TMCC1: variants seen among roughly 807,000 people sequenced by gnomAD.
The protein encoded by TMCC1 is transmembrane and coiled-coil domains protein 1.
Under a neutral mutation model 52.4 loss-of-function variants are expected in TMCC1, and 15 were observed. The observed-to-expected ratio is 0.29, with a 90% CI of 0.19 to 0.44. The LOEUF (loss-of-function observed/expected upper bound fraction) is 0.44. TMCC1 is among the 20% of genes least tolerant of loss of function. TMCC1 has a pLI of 1.00. For missense variants in TMCC1, 503 were observed against 806.0 expected, an observed-to-expected ratio of 0.62 and a Z score of 4.55; for synonymous variants, 279 against 301.9, an observed-to-expected ratio of 0.92 and a Z score of 0.79.
intron 4 of TMCC1, among the ~76,000 whole-genome samples, chr3:129,802,563 T>A (rs1217388725): frequency 6.6e-6 from 1 of 152,154 alleles, no homozygotes; most frequent in Admixed American, 6.5e-5. Context: ...GCTATGATAG[T>A]GCCACTGCAC....
chr3:129,887,311 A>G (rs2061753559), intron 1 of TMCC1, among the ~76,000 whole-genome samples: 1 of 152,142 alleles, frequency 6.6e-6, no homozygotes, highest in Admixed American at 6.5e-5. Flanking sequence ...TGGGAGGCCA[A>G]GGAGGGCGGA....
chr3:129,805,560 G>C (rs1382754915), intron 4 of TMCC1, among the ~76,000 whole-genome samples: 1 of 152,192 alleles, frequency 6.6e-6, no homozygotes, highest in Non-Finnish European at 1.5e-5. Flanking sequence ...TACACAGTCT[G>C]TTGAAATATA....
intron 4 of TMCC1, among the ~76,000 whole-genome samples, chr3:129,671,526 A>T (rs1296405686): frequency 6.6e-6 from 1 of 152,244 alleles, no homozygotes; most frequent in Non-Finnish European, 1.5e-5. Context: ...AGGATTTTTC[A>T]GTGTTTCTTC....
rs947187433 is a variant in TMCC1 at position 129,875,563 on chromosome 3, A to T, written c.-184+4746T>A. ...AGATTACTCATACCAGTGTGAGACC[A>T]CTAACAAGTCTTGGCCCCAATCTGT... On this transcript the variant is annotated intron_variant, in intron 2 of 6. Transcript: ENST00000393238. 4.0e-5 allele frequency among the ~76,000 whole-genome samples: 6 copies of T among 151,170 alleles called. No individual in the cohort carries two copies. The East Asian group carries it at 1.2e-3, about 29-fold the overall frequency.
At chr3:129,761,184 C>A (rs894429032) in intron 4 of TMCC1, among the ~76,000 whole-genome samples, 61 of 152,000 alleles carry the variant, frequency 4.0e-4, no homozygotes, top group African/African-American at 1.4e-3. Context: ...GAAAATTGGC[C>A]GGGCGTAGTG....
At chr3:129,779,716 A>C (rs1449534268) in intron 4 of TMCC1, among the ~76,000 whole-genome samples, 1 of 152,168 alleles carries the variant, frequency 6.6e-6, no homozygotes, top group African/African-American at 2.4e-5. Context: ...GCCAACATCT[A>C]CATCCTAAAT....
chr3:129,794,375 G>A (rs950090082), intron 4 of TMCC1: 10 of 456,094 alleles, frequency 2.2e-5, no homozygotes, highest in Admixed American at 1.4e-4. Flanking sequence ...TCACCCAGAG[G>A]ATCTTCAGAC....
chr3:129,704,088 T>C (rs542649599), intron 4 of TMCC1, among the ~76,000 whole-genome samples: 1 of 152,142 alleles, frequency 6.6e-6, no homozygotes, highest in Non-Finnish European at 1.5e-5. Flanking sequence ...ACACTGGAGA[T>C]GGAGAAGAAT....
At chr3:129,868,654 G>A (rs1243243551) in intron 2 of TMCC1, among the ~76,000 whole-genome samples, 5 of 152,168 alleles carry the variant, frequency 3.3e-5, no homozygotes, top group Non-Finnish European at 5.9e-5. Flanking sequence ...GGCCAGGCTG[G>A]TCCTCGGACT....
intron 4 of TMCC1, among the ~76,000 whole-genome samples, chr3:129,802,845 G>A (rs1576910039): frequency 6.6e-6 from 1 of 152,300 alleles, no homozygotes; most frequent in East Asian, 1.9e-4. Flanking sequence ...AAAGAGGAAA[G>A]TCTCTCTAAT....
chr3:129,720,181 C>CAAA lies in TMCC1; in HGVS notation c.577-48920_577-48918dup, dbSNP rs765678095. ...TGGGCAACAGAGTAAGACCCTGTCT[C>CAAA]AAAAAAAAAAAAAAAAAAAAAGAGA... On this transcript the variant is annotated intron_variant, in intron 4 of 6. Transcript: ENST00000393238. 2.4e-3 allele frequency among the ~76,000 whole-genome samples: 139 copies of CAAA among 58,628 alleles called. 2 individuals carry two copies. Among genetic ancestry groups the CAAA allele is most frequent in the African/African-American group, 6.3e-3 (102 of 16,264 alleles). 38.5% of individuals were successfully genotyped at this position (58,628 alleles called of 152,430 possible). A position where few individuals can be genotyped will look rare whatever the true frequency, so the allele number is the denominator to read the frequency against.
chr3:129,759,591 T>A (rs2053325308), intron 4 of TMCC1, among the ~76,000 whole-genome samples: 1 of 150,130 alleles, frequency 6.7e-6, no homozygotes, highest in Admixed American at 6.7e-5. Context: ...GAGAGTTTTT[T>A]TTTTTTTTAA....
At chr3:129,760,452 C>CTGTGTGTGTG (rs1491184427) in intron 4 of TMCC1, among the ~76,000 whole-genome samples, 2 of 68,444 alleles carry the variant, frequency 2.9e-5, no homozygotes, top group South Asian at 6.0e-4. Context: ...GACAGTCTCG[C>CTGTGTGTGTG]TCTGTGTGTG....
intron 4 of TMCC1, among the ~76,000 whole-genome samples, chr3:129,802,195 G>A (rs938975107): frequency 6.6e-6 from 1 of 152,100 alleles, no homozygotes; most frequent in Non-Finnish European, 1.5e-5. Flanking sequence ...TGTAAAGTTG[G>A]GTTATCAATG....
intron 4 of TMCC1, among the ~76,000 whole-genome samples, chr3:129,706,320 C>T (rs1434690511): frequency 6.6e-6 from 1 of 151,954 alleles, no homozygotes; most frequent in Non-Finnish European, 1.5e-5. Flanking sequence ...ATTCGCCTGC[C>T]TCAGCCTCCT....
chr3:129,755,560 A>G (rs1218976106), intron 4 of TMCC1, among the ~76,000 whole-genome samples: 1 of 152,222 alleles, frequency 6.6e-6, no homozygotes, highest in Non-Finnish European at 1.5e-5. Context: ...TAATGAGAAA[A>G]CAATATAATT....
intron 4 of TMCC1, among the ~76,000 whole-genome samples, chr3:129,723,220 T>C (rs1029466741): frequency 2.0e-5 from 3 of 152,194 alleles, no homozygotes; most frequent in Non-Finnish European, 4.4e-5. Context: ...TCCAGTTTTA[T>C]CTCAGAGATT....
rs1688260840 is a variant in TMCC1 at position 129,649,926 on chromosome 3, T to C, written c.*1555A>G. ...TCAGTTCATTTTTCAAAACCATCTA[T>C]AGAAGTCCACTGAGCATAATTAGGT... On this transcript the variant is annotated 3_prime_UTR_variant, in exon 7 of 7. Transcript: ENST00000393238. 2.0e-5 allele frequency: 3 copies of C among 152,632 alleles called. No homozygotes were observed. The highest frequency in any genetic ancestry group is 3.8e-4 in the East Asian group (2 of 5,198). The allele number at this position is 152,632 out of a possible 1,614,324, so 9.5% of individuals were successfully genotyped here.
chr3:129,742,680 A>C (rs1429812774), intron 4 of TMCC1, among the ~76,000 whole-genome samples: 2 of 152,198 alleles, frequency 1.3e-5, no homozygotes, highest in Non-Finnish European at 2.9e-5. Flanking sequence ...ACATGTATAC[A>C]CCCAGGAGAA....
Sources: allele counts gnomAD v4.1 joint callset (sites outside exome capture counted in the v4.1 genomes callset), GRCh38; gene constraint gnomAD v4.1.1; transcripts MANE v1.5; gene names NCBI Gene and HGNC (gene_info 2026-07-23, HGNC 2026-07-21).